SCUBE1: variants seen among roughly 807,000 people sequenced by gnomAD.
SCUBE1 encodes signal peptide, CUB and EGF-like domain-containing protein 1.
SCUBE1 carries 59 observed loss-of-function variants against 124.4 expected under a neutral mutation model. That is an observed-to-expected ratio of 0.47 (90% CI 0.38 to 0.59). The LOEUF (loss-of-function observed/expected upper bound fraction) is 0.59, where lower values mean the gene tolerates loss of function less well. Among genes scored for constraint, SCUBE1 ranks in the 20% least tolerant of loss-of-function variants. The probability of loss-of-function intolerance (pLI) is 0.00; values close to 1 mark genes in which losing one functional copy is unlikely to be tolerated. For synonymous variants in SCUBE1, 545 were observed against 550.9 expected (o/e 0.99, Z 0.15); for missense variants, 1,150 against 1,371.2 (o/e 0.84, Z 2.55).
intron 3 of SCUBE1, among the ~76,000 whole-genome samples, chr22:43,302,453 G>A (rs1925810580): frequency 6.6e-6 from 1 of 152,204 alleles, no homozygotes; most frequent in African/African-American, 2.4e-5. Flanking sequence ...CCTATGGCAA[G>A]GCCAGTTCCT....
At chr22:43,276,260 G>C (rs1449300759) in intron 4 of SCUBE1, among the ~76,000 whole-genome samples, 1 of 152,216 alleles carries the variant, frequency 6.6e-6, no homozygotes, top group African/African-American at 2.4e-5. Flanking sequence ...TGGTCAGCAA[G>C]GAGACTCAAG....
At chr22:43,237,739 T>C (rs1922825779) in intron 7 of SCUBE1, 2 of 152,212 alleles carry the variant, frequency 1.3e-5, no homozygotes, top group Admixed American at 1.3e-4. Flanking sequence ...CTCAAGCTAT[T>C]TTAAGTCACC....
intron 4 of SCUBE1, among the ~76,000 whole-genome samples, chr22:43,275,188 C>CA (rs139631797): frequency 4.2e-4 from 64 of 152,242 alleles, no homozygotes; most frequent in African/African-American, 1.5e-3. Context: ...GCGCTTCTGA[C>CA]AGACAAACTG....
intron 1 of SCUBE1, among the ~76,000 whole-genome samples, chr22:43,342,166 C>T (rs377270910): frequency 1.4e-5 from 2 of 145,518 alleles, no homozygotes; most frequent in African/African-American, 2.5e-5. Flanking sequence ...AGCAGAGCAC[C>T]GGAGGAAGCG....
At chr22:43,290,148 C>A (rs7285528) in intron 4 of SCUBE1, among the ~76,000 whole-genome samples, 20,581 of 152,180 alleles carry the variant, frequency 0.14, 1,628 homozygotes, top group African/African-American at 0.2. Context: ...CAGATGCCTG[C>A]CCTTGCATTA....
At chr22:43,315,771 T>C (rs1926325830) in intron 3 of SCUBE1, among the ~76,000 whole-genome samples, 1 of 151,864 alleles carries the variant, frequency 6.6e-6, no homozygotes, top group South Asian at 2.1e-4. Context: ...GGGGGAACCT[T>C]ACCCAGTTCT....
chr22:43,225,597 A>C (rs1922270699), intron 10 of SCUBE1, among the ~76,000 whole-genome samples: 1 of 151,370 alleles, frequency 6.6e-6, no homozygotes. Flanking sequence ...CAACATGGTG[A>C]AACCTCGTCT....
At position 43,210,008 on chromosome 22, in the gene SCUBE1, G is replaced by A. The variant is rs573840313; in HGVS notation, c.2581+35C>T. The A allele has an allele frequency of 4.5e-6, 7 of 1,559,122 alleles. No individual in the cohort carries two copies. In the East Asian group the frequency reaches 1.7e-4, roughly 37 times the overall value. On this transcript the variant is annotated intron_variant, in intron 19 of 21. Coordinates refer to ENST00000360835, the MANE Select transcript of SCUBE1 (RefSeq NM_173050.5). This position sits in a 1 kb window ranked among gnomAD's most constrained non-coding sequence, Gnocchi z 4.5. Reference sequence around the variant, plus strand: ...GCGAGACGGGGGTGCACACGCAGCTGAGGCTGCCTCTGGTCCCCTCGGCCC... The same window carrying A: ...GCGAGACGGGGGTGCACACGCAGCTAAGGCTGCCTCTGGTCCCCTCGGCCC...
At chr22:43,245,174 C>A (rs923505384) in intron 6 of SCUBE1, among the ~76,000 whole-genome samples, 1 of 152,242 alleles carries the variant, frequency 6.6e-6, no homozygotes, top group Non-Finnish European at 1.5e-5. Flanking sequence ...CCCTGTGGCC[C>A]GTCACTAGTG....
chr22:43,338,836 C>T (rs1166438893), intron 2 of SCUBE1, among the ~76,000 whole-genome samples: 1 of 152,182 alleles, frequency 6.6e-6, no homozygotes, highest in Admixed American at 6.5e-5. Flanking sequence ...CCGCACCCAG[C>T]CAATTTCTTA....
chr22:43,290,925 A>G, intron 4 of SCUBE1, 121 bp downstream of exon 4: 3 of 1,144,376 alleles, frequency 2.6e-6, no homozygotes, highest in Non-Finnish European at 3.6e-6. Flanking sequence ...AGTCATTCAG[A>G]CTACCACCAA....
chr22:43,311,874 G>A (rs1487590781), intron 3 of SCUBE1, among the ~76,000 whole-genome samples: 2 of 152,060 alleles, frequency 1.3e-5, no homozygotes, highest in East Asian at 3.9e-4. Context: ...GGGTATTTAG[G>A]ACCCTAAAAC....
intron 15 of SCUBE1, among the ~76,000 whole-genome samples, chr22:43,218,044 T>G (rs1282846504): frequency 2.0e-5 from 3 of 152,190 alleles, no homozygotes; most frequent in African/African-American, 7.2e-5. Flanking sequence ...CCTCAGACTG[T>G]GATCACATGC....
At position 43,227,455 on chromosome 22, in the gene SCUBE1, C is replaced by T. The variant is rs1314640241; in HGVS notation, c.1126G>A (p.Gly376Ser). 6.2e-7 allele frequency: 1 copy of T among 1,613,192 alleles called. No homozygotes were observed. The highest frequency in any genetic ancestry group is 8.5e-7 in the Non-Finnish European group (1 of 1,179,928). The change falls in exon 10 of 22, where the codon GGC becomes AGC. Residue 376 changes from glycine to serine, a missense_variant. By Grantham distance (56) the Gly-to-Ser change is moderately conservative. Transcript: ENST00000360835. ...TAGCTGCCCTTGGTGTTGACGCAGC[C>T]CTGGTCACAGCTCCCGTTGCTCATG... ...CSMSNGSCDQ[G>S]CVNTKGSYEC...
At chr22:43,314,275 A>C (rs1926266329) in intron 3 of SCUBE1, among the ~76,000 whole-genome samples, 1 of 152,198 alleles carries the variant, frequency 6.6e-6, no homozygotes, top group South Asian at 2.1e-4. Flanking sequence ...GCAGGTAGTT[A>C]AATGGCCAAA....
intron 6 of SCUBE1, among the ~76,000 whole-genome samples, chr22:43,257,581 C>G (rs945609647): frequency 2.6e-5 from 4 of 152,144 alleles, no homozygotes; most frequent in Admixed American, 2.0e-4. Context: ...GCTGGGGCAG[C>G]GGCGGGAAGA....
intron 4 of SCUBE1, chr22:43,270,500 A>C (rs1302869065): frequency 6.6e-6 from 1 of 152,270 alleles, no homozygotes; most frequent in Non-Finnish European, 1.5e-5. Flanking sequence ...CAGCTTCTCC[A>C]GGGTGCCGAT....
chr22:43,212,812 C>T, intron 16 of SCUBE1: 1 of 569,500 alleles, frequency 1.8e-6, no homozygotes, highest in Non-Finnish European at 3.1e-6. Context: ...CGGCCTTGGT[C>T]AAGCCTGGCT....
intron 5 of SCUBE1, among the ~76,000 whole-genome samples, chr22:43,259,181 C>T (rs1443806448): frequency 2.0e-5 from 3 of 152,126 alleles, no homozygotes; most frequent in Admixed American, 6.5e-5. Context: ...AGAGAGATCG[C>T]TAGAGGGGAG....
Sources: allele counts gnomAD v4.1 joint callset (sites outside exome capture counted in the v4.1 genomes callset), GRCh38; gene constraint gnomAD v4.1.1; non-coding constraint Gnocchi (gnomAD v3.1); transcripts MANE v1.5; gene names NCBI Gene and HGNC (gene_info 2026-07-23, HGNC 2026-07-21).